Variants in VSTM2B observed in about 807,000 individuals in gnomAD.
VSTM2B encodes the protein V-set and transmembrane domain containing 2B.
A neutral mutation model predicts 24.0 loss-of-function variants in VSTM2B; 24 were observed. That is an observed-to-expected ratio of 1.00 (90% CI 0.72 to 1.40). VSTM2B has a LOEUF of 1.40. VSTM2B is among the 40% of genes most tolerant of loss of function. The probability of loss-of-function intolerance (pLI) is 0.00; values close to 1 mark genes in which losing one functional copy is unlikely to be tolerated. For synonymous variants in VSTM2B, 226 were observed against 194.4 expected, an observed-to-expected ratio of 1.16 and a Z score of -1.35; for missense variants, 399 against 416.4, an observed-to-expected ratio of 0.96 and a Z score of 0.36.
rs745737020 is a variant in VSTM2B, at chr19:29,563,892, G to T, written c.816G>T (p.Leu272=). The T allele has an allele frequency of 4.5e-6, 7 of 1,552,344 alleles. No homozygotes were observed. The highest frequency in any genetic ancestry group is 4.4e-6 in the Non-Finnish European group (5 of 1,147,126). The part of the protein sequence containing the change: ...YTTDPLLSLL[L]LALHKFLRLL... The stretch of plus-strand genomic sequence containing the variant: ...CAGACCCACTCTTGTCCCTGCTCCT[G>T]TTAGCTCTGCATAAGTTCCTGCGCC... Residue 272 remains leucine, a synonymous_variant, in exon 5 of 5, where the codon CTG becomes CTT. Transcript: ENST00000335523.
chr19:29,550,451 A>G (rs1970252484), intron 4 of VSTM2B, among the ~76,000 whole-genome samples: 1 of 152,098 alleles, frequency 6.6e-6, no homozygotes, highest in Admixed American at 6.5e-5. Context: ...CAATCAATCA[A>G]TGTGCTATGA....
At chr19:29,535,978 G>T (rs764310091) in intron 4 of VSTM2B, among the ~76,000 whole-genome samples, 1 of 152,252 alleles carries the variant, frequency 6.6e-6, no homozygotes, top group Non-Finnish European at 1.5e-5. Context: ...TCCCAGAGAA[G>T]AGAGGGCGAG....
chr19:29,526,993 CA>C lies in VSTM2B; in HGVS notation c.83-217del, dbSNP rs1482683764. On this transcript the variant is annotated intron_variant, in intron 1 of 4. Coordinates refer to ENST00000335523, the MANE Select transcript of VSTM2B (RefSeq NM_001146339.2). The surrounding 1 kb of genome is among the most constrained non-coding windows in gnomAD (Gnocchi z 4.1). ...ACGAGTCGCCCCTGCCGCCCCGCCC[CA>C]TCCGGAGGGAAGCAGTAGGCAGCCG... is the stretch of plus-strand genomic sequence containing the variant. 2.0e-6 allele frequency: 1 copy of C among 502,652 alleles called. No homozygotes were observed. Among genetic ancestry groups the C allele is most frequent in the Non-Finnish European group, 3.4e-6 (1 of 290,300 alleles). 31.1% of individuals were successfully genotyped at this position (502,652 alleles called of 1,614,324 possible).
rs910996542 is a variant in VSTM2B at position 29,542,311 on chromosome 19, A to T, written c.769+12021A>T. Among the ~76,000 whole-genome samples the T allele has an allele frequency of 4.6e-4, 69 of 150,198 alleles. 1 individual carries two copies. The highest frequency in any genetic ancestry group is 1.9e-4 in the Non-Finnish European group (13 of 67,672). On this transcript the variant is annotated intron_variant, in intron 4 of 4. Transcript: ENST00000335523. ...AATGAATAGGTGGGTAAGAAGAAGGATGAATTAATGTGTGAGTGGGTGGAT... is the reference window on the plus strand; with the variant it reads ...AATGAATAGGTGGGTAAGAAGAAGGTTGAATTAATGTGTGAGTGGGTGGAT...
rs1250952763 is a variant in VSTM2B at position 29,548,832 on chromosome 19, TC to T, written c.770-15012del. ...TAGGATGCATACCAGGCCTCCTGGG[TC>T]CTGCGCCAGGCCTGGCACATAGAGT... On this transcript the variant is annotated intron_variant, in intron 4 of 4. Coordinates refer to ENST00000335523, the MANE Select transcript of VSTM2B (RefSeq NM_001146339.2). Among the ~76,000 whole-genome samples, 12 of 152,196 alleles carry T rather than the reference TC, an allele frequency of 7.9e-5. No homozygotes were observed. In the East Asian group the frequency reaches 2.3e-3, roughly 29 times the overall value.
intron 4 of VSTM2B, among the ~76,000 whole-genome samples, chr19:29,535,363 G>C (rs928511751): frequency 1.3e-5 from 2 of 152,150 alleles, no homozygotes; most frequent in Admixed American, 6.5e-5. Flanking sequence ...TGGTGTGTTG[G>C]CCAGAGGTTC....
At chr19:29,529,755 A>G in intron 3 of VSTM2B, 64 bp from the exon 4 acceptor site, 1 of 1,478,696 alleles carries the variant, frequency 6.8e-7, no homozygotes. Context: ...CGCGACGGCC[A>G]GGGTGGCCAG....
chr19:29,535,109 G>A (rs912992485), intron 4 of VSTM2B, among the ~76,000 whole-genome samples: 6 of 152,190 alleles, frequency 3.9e-5, no homozygotes, highest in African/African-American at 1.4e-4. Context: ...AACATGGACT[G>A]CATTAGCAGA....
chr19:29,555,917 T>C (rs1198800918), intron 4 of VSTM2B, among the ~76,000 whole-genome samples: 2 of 152,084 alleles, frequency 1.3e-5, no homozygotes, highest in East Asian at 3.9e-4. Flanking sequence ...CAGTAATAAA[T>C]AGCCTACCAA....
intron 4 of VSTM2B, among the ~76,000 whole-genome samples, chr19:29,543,162 A>G (rs1970064127): frequency 6.6e-6 from 1 of 152,234 alleles, no homozygotes; most frequent in Non-Finnish European, 1.5e-5. Context: ...GGCATTTAAG[A>G]AATCCCATCT....
intron 4 of VSTM2B, among the ~76,000 whole-genome samples, chr19:29,548,480 G>A (rs917502089): frequency 3.3e-5 from 5 of 152,182 alleles, no homozygotes; most frequent in African/African-American, 1.2e-4. Context: ...AATTCTACCC[G>A]AACTCCGTTA....
At chr19:29,553,492 A>G (rs573363563) in intron 4 of VSTM2B, among the ~76,000 whole-genome samples, 1 of 152,356 alleles carries the variant, frequency 6.6e-6, no homozygotes, top group East Asian at 1.9e-4. Context: ...ATAAACTCAC[A>G]AAGATGAGAA....
Position 29,527,196 on chromosome 19 carries a change from T to C in VSTM2B, c.83-15T>C, listed in dbSNP as rs1969600522. 1 of 1,544,208 alleles carries C rather than the reference T, an allele frequency of 6.5e-7. No individual in the cohort carries two copies. Among genetic ancestry groups the C allele is most frequent in the Non-Finnish European group, 8.7e-7 (1 of 1,143,358 alleles). On this transcript the variant is annotated splice_polypyrimidine_tract_variant and intron_variant, in intron 1 of 4. Transcript: ENST00000335523. Reference sequence around the variant, plus strand: ...CTACAGCTGGTCACGCCTCTCTCTCTCTCCCCACCCCCAGCTGCATTCACA... The same window carrying C: ...CTACAGCTGGTCACGCCTCTCTCTCCCTCCCCACCCCCAGCTGCATTCACA...
chr19:29,529,963 G>C lies in VSTM2B; in HGVS notation c.442G>C (p.Val148Leu), dbSNP rs1399656757. 5.8e-6 allele frequency: 9 copies of C among 1,547,946 alleles called. No homozygotes were observed. Among genetic ancestry groups the C allele is most frequent in the South Asian group, 2.4e-5 (2 of 83,998 alleles). The part of the protein sequence containing the change: ...QEHKAQAMLR[V>L]LSRFAPPNMQ... ...GCACAAGGCCCAGGCGATGCTGCGC[G>C]TGCTCTCGCGCTTCGCGCCGCCCAA... Residue 148 changes from valine to leucine, a missense_variant, in exon 4 of 5, where the codon GTG becomes CTG. Coordinates refer to ENST00000335523, the MANE Select transcript of VSTM2B (RefSeq NM_001146339.2).
At chr19:29,538,609 A>C in intron 4 of VSTM2B, among the ~76,000 whole-genome samples, 1 of 152,168 alleles carries the variant, frequency 6.6e-6, no homozygotes, top group East Asian at 1.9e-4. Context: ...AAAGAGGTTT[A>C]TTTGGCTCAC....
At chr19:29,529,458 G>T (rs1969674488) in intron 3 of VSTM2B, among the ~76,000 whole-genome samples, 1 of 152,190 alleles carries the variant, frequency 6.6e-6, no homozygotes. Context: ...CCAGCCTGGG[G>T]TTTCCTGAAG....
chr19:29,535,131 G>T (rs149959628), intron 4 of VSTM2B, among the ~76,000 whole-genome samples: 2 of 152,342 alleles, frequency 1.3e-5, no homozygotes, highest in African/African-American at 2.4e-5. Context: ...CAGAGCAGGC[G>T]CAGGAGGCTG....
At chr19:29,531,096 G>A (rs1042072399) in intron 4 of VSTM2B, among the ~76,000 whole-genome samples, 6 of 150,548 alleles carry the variant, frequency 4.0e-5, no homozygotes, top group Non-Finnish European at 8.9e-5. Context: ...CATTGGCAGA[G>A]GCAGGGGTGG....
intron 4 of VSTM2B, among the ~76,000 whole-genome samples, chr19:29,561,031 G>C (rs962382165): frequency 1.3e-5 from 2 of 152,224 alleles, no homozygotes; most frequent in Non-Finnish European, 1.5e-5. Flanking sequence ...AGAGCCAGGG[G>C]CCAGGCACAA....
Sources: allele counts gnomAD v4.1 joint callset (sites outside exome capture counted in the v4.1 genomes callset), GRCh38; gene constraint gnomAD v4.1.1; non-coding constraint Gnocchi (gnomAD v3.1); transcripts MANE v1.5; gene names NCBI Gene and HGNC (gene_info 2026-07-23, HGNC 2026-07-21).